Variants in POLR3B observed in about 807,000 individuals in gnomAD.
POLR3B encodes the protein RNA polymerase III subunit B.
Under a neutral mutation model 147.4 loss-of-function variants are expected in POLR3B, and 96 were observed. That is an observed-to-expected ratio of 0.65 (90% CI 0.55 to 0.77). POLR3B has a LOEUF of 0.77. Ranked by LOEUF, POLR3B falls within the 30% of genes least tolerant of loss-of-function variation. The pLI is 0.00. For synonymous variants in POLR3B, 461 were observed against 485.9 expected, an observed-to-expected ratio of 0.95 and a Z score of 0.67; for missense variants, 1,036 against 1,413.5, an observed-to-expected ratio of 0.73 and a Z score of 4.28.
intron 27 of POLR3B, among the ~76,000 whole-genome samples, chr12:106,506,158 A>G (rs2137092010): frequency 1.3e-5 from 2 of 152,304 alleles, no homozygotes; most frequent in South Asian, 4.1e-4. Flanking sequence ...TGAAATGCAT[A>G]TTGAGCTTGC....
chr12:106,497,360 G>A (rs1296857420), intron 25 of POLR3B, among the ~76,000 whole-genome samples: 1 of 151,998 alleles, frequency 6.6e-6, no homozygotes, highest in Non-Finnish European at 1.5e-5. Context: ...AGTGCTGTTT[G>A]TACTGGTAAG....
chr12:106,383,602 A>G (rs1040251096), intron 9 of POLR3B, among the ~76,000 whole-genome samples: 5 of 152,170 alleles, frequency 3.3e-5, no homozygotes, highest in Admixed American at 3.3e-4. Flanking sequence ...GAGCTGTCAC[A>G]ACACACACAT....
intron 12 of POLR3B, among the ~76,000 whole-genome samples, chr12:106,415,519 G>A (rs934680557): frequency 6.6e-6 from 1 of 152,154 alleles, no homozygotes; most frequent in South Asian, 2.1e-4. Flanking sequence ...TAAAGCACTA[G>A]CATGCTCCTA....
intron 13 of POLR3B, among the ~76,000 whole-genome samples, chr12:106,428,605 A>G (rs1048376043): frequency 2.8e-4 from 43 of 152,144 alleles, no homozygotes; most frequent in African/African-American, 1.0e-3. Flanking sequence ...CTGCTTGCCA[A>G]CAGCTGCTGC....
intron 11 of POLR3B, among the ~76,000 whole-genome samples, chr12:106,406,850 C>G (rs1330005126): frequency 6.6e-6 from 1 of 152,154 alleles, no homozygotes; most frequent in Non-Finnish European, 1.5e-5. Flanking sequence ...GTTAGACTAT[C>G]TTGTTAACTA....
rs558679416 is a variant in POLR3B, at chr12:106,368,836, T to A, written c.228-439T>A. 1.3e-4 allele frequency among the ~76,000 whole-genome samples: 20 copies of A among 152,320 alleles called. No homozygotes were observed. The East Asian group carries it at 3.9e-3, about 29-fold the overall frequency. On this transcript the variant is annotated intron_variant, in intron 4 of 27. Coordinates refer to ENST00000228347, the MANE Select transcript of POLR3B (RefSeq NM_018082.6). ...CCTGTTCCCAGCCACTCTCCATAGG[T>A]AACCAATCTCATTAGTTTCCGCTTT... is the stretch of plus-strand genomic sequence containing the variant.
At chr12:106,487,085 G>T (rs544471131) in intron 23 of POLR3B, among the ~76,000 whole-genome samples, 1 of 152,288 alleles carries the variant, frequency 6.6e-6, no homozygotes, top group East Asian at 1.9e-4. Context: ...GCCCTAAGGG[G>T]GACTGCATCA....
At chr12:106,446,514 G>A (rs1021459632) in intron 19 of POLR3B, among the ~76,000 whole-genome samples, 19 of 151,978 alleles carry the variant, frequency 1.3e-4, no homozygotes, top group African/African-American at 4.3e-4. Flanking sequence ...AGCAGGATCA[G>A]TGTGTACAGA....
chr12:106,403,456 C>T (rs2037101508), intron 10 of POLR3B, among the ~76,000 whole-genome samples: 1 of 151,672 alleles, frequency 6.6e-6, no homozygotes, highest in African/African-American at 2.4e-5. Context: ...CATCCCATTA[C>T]TGGGTATATA....
At chr12:106,508,807 T>C (rs2038730180) in intron 27 of POLR3B, among the ~76,000 whole-genome samples, 1 of 152,196 alleles carries the variant, frequency 6.6e-6, no homozygotes, top group African/African-American at 2.4e-5. Flanking sequence ...ATGTTGTAAG[T>C]ATAGTACCTC....
intron 1 of POLR3B, among the ~76,000 whole-genome samples, chr12:106,359,489 C>T (rs368108408): frequency 2.6e-5 from 4 of 151,830 alleles, no homozygotes; most frequent in South Asian, 2.1e-4. Flanking sequence ...CCACCATCAC[C>T]GCCAGCTAAT....
chr12:106,432,563 C>T, intron 15 of POLR3B, 83 bp downstream of exon 15: 1 of 1,123,886 alleles, frequency 8.9e-7, no homozygotes, highest in South Asian at 1.2e-5. Context: ...GTATTTAAAG[C>T]ACAGATAGAC....
chr12:106,401,440 G>T lies in POLR3B; in HGVS notation c.847-4417G>T, dbSNP rs558509152. On this transcript the variant is annotated intron_variant, in intron 10 of 27. Transcript: ENST00000228347. ...CTGTTCCAATCAATAGAAAAAGAGG[G>T]AATCCTCCCTAACTCATTTTATGAG... 5.3e-3 allele frequency among the ~76,000 whole-genome samples: 813 copies of T among 152,228 alleles called. 7 individuals are homozygous for T. Among genetic ancestry groups the T allele is most frequent in the African/African-American group, 0.019 (785 of 41,540 alleles).
At chr12:106,378,621 A>G (rs1448177271) in intron 8 of POLR3B, among the ~76,000 whole-genome samples, 1 of 152,000 alleles carries the variant, frequency 6.6e-6, no homozygotes. Context: ...GCTGAATTTT[A>G]TGTTAGCTTA....
At chr12:106,485,440 T>TA (rs1436045793) in intron 23 of POLR3B, among the ~76,000 whole-genome samples, 1 of 152,094 alleles carries the variant, frequency 6.6e-6, no homozygotes, top group Non-Finnish European at 1.5e-5. Context: ...GTGGATTCTA[T>TA]ATGAAAAGTG....
chr12:106,414,719 T>C (rs2037278277), intron 12 of POLR3B, among the ~76,000 whole-genome samples: 1 of 152,186 alleles, frequency 6.6e-6, no homozygotes, highest in African/African-American at 2.4e-5. Context: ...CCCAGTATGC[T>C]GCAAGCAGCA....
intron 12 of POLR3B, among the ~76,000 whole-genome samples, chr12:106,415,029 A>C (rs115727791): frequency 6.6e-6 from 1 of 152,102 alleles, no homozygotes; most frequent in Non-Finnish European, 1.5e-5. Flanking sequence ...CCTTCACTCT[A>C]CACATCAGGT....
intron 23 of POLR3B, among the ~76,000 whole-genome samples, chr12:106,474,780 C>T (rs1285544128): frequency 2.7e-5 from 4 of 150,564 alleles, no homozygotes; most frequent in Non-Finnish European, 3.0e-5. Flanking sequence ...GTCTTGCTAG[C>T]GGTCTATCAA....
chr12:106,439,825 G>A (rs558092320), intron 18 of POLR3B, among the ~76,000 whole-genome samples: 2 of 152,218 alleles, frequency 1.3e-5, no homozygotes, highest in South Asian at 2.1e-4. Flanking sequence ...GGGAGGCTAA[G>A]GCATGAGGGT....
Sources: gnomAD v4.1 joint callset for allele counts (sites outside exome capture counted in the v4.1 genomes callset) on GRCh38, gnomAD v4.1.1 for gene constraint, MANE v1.5 for transcripts, NCBI Gene and HGNC (gene_info 2026-07-23, HGNC 2026-07-21) for gene names.